DOCK3: variants seen among roughly 807,000 people sequenced by gnomAD.
DOCK3 encodes dedicator of cytokinesis protein 3.
A neutral mutation model predicts 265.6 loss-of-function variants in DOCK3; 60 were observed. The observed-to-expected ratio is 0.23, with a 90% CI of 0.18 to 0.28. The LOEUF is 0.28. Among genes scored for constraint, DOCK3 ranks in the 10% least tolerant of loss-of-function variants. The pLI is 1.00. For synonymous variants in DOCK3, 881 were observed against 938.0 expected (o/e 0.94, Z 1.11); for missense variants, 1,981 against 2,594.3 (o/e 0.76, Z 5.14).
intron 1 of DOCK3, among the ~76,000 whole-genome samples, chr3:50,693,314 G>T (rs2035370995): frequency 6.6e-6 from 1 of 152,136 alleles, no homozygotes; most frequent in South Asian, 2.1e-4. Flanking sequence ...AGATTGCTTT[G>T]GGCAGGATTG....
chr3:50,982,725 T>A (rs937733185), intron 5 of DOCK3, among the ~76,000 whole-genome samples: 1 of 152,146 alleles, frequency 6.6e-6, no homozygotes, highest in African/African-American at 2.4e-5. Flanking sequence ...TCGGGGTCAC[T>A]GCAGTGGGGC....
chr3:51,382,481 A>G lies in DOCK3; in HGVS notation c.*922A>G, dbSNP rs1412729122. 2.0e-5 allele frequency: 3 copies of G among 152,580 alleles called. No individual in the cohort carries two copies. Among genetic ancestry groups the G allele is most frequent in the Non-Finnish European group, 4.4e-5 (3 of 68,080 alleles). The allele number at this position is 152,580 out of a possible 1,614,324, so 9.5% of individuals were successfully genotyped here. A position where few individuals can be genotyped will look rare whatever the true frequency, so the allele number is the denominator to read the frequency against. On this transcript the variant is annotated 3_prime_UTR_variant, in exon 53 of 53. Coordinates refer to ENST00000266037, the MANE Select transcript of DOCK3 (RefSeq NM_004947.5). Reference sequence around the variant, plus strand: ...GTGTGGGGTGTGGCAGGCGCCGGAAATCCTCAAAGCTTTCAGAAGCATCCA... The same window carrying G: ...GTGTGGGGTGTGGCAGGCGCCGGAAGTCCTCAAAGCTTTCAGAAGCATCCA...
At chr3:51,284,383 G>A (rs1378769362) in intron 27 of DOCK3, among the ~76,000 whole-genome samples, 2 of 151,880 alleles carry the variant, frequency 1.3e-5, no homozygotes, top group Non-Finnish European at 2.9e-5. Flanking sequence ...CATCAAGTAC[G>A]CCAACTTTTA....
In DOCK3 at chr3:51,357,039, G is replaced by A; in HGVS notation, c.4581G>A (p.Gln1527=). 2 of 1,613,430 alleles carry A rather than the reference G, an allele frequency of 1.2e-6. No homozygotes were observed. The highest frequency in any genetic ancestry group is 1.7e-6 in the Non-Finnish European group (2 of 1,179,884). Residue 1527 remains glutamine (Q), a synonymous_variant, in exon 44 of 53, where the codon CAG becomes CAA. Transcript: ENST00000266037. ...AGGAGCTACGCTCCCTGATCAGCCA[G>A]TATCAACACAAGCAGGTGCATGGCA... ...KNQELRSLIS[Q]YQHKQVHGNI...
chr3:50,970,727 CT>C (rs140767114), intron 5 of DOCK3, among the ~76,000 whole-genome samples: 238 of 129,526 alleles, frequency 1.8e-3, no homozygotes, highest in African/African-American at 3.0e-3. Context: ...CTCATTGAGC[CT>C]TTTTTTTTTT....
intron 32 of DOCK3, among the ~76,000 whole-genome samples, chr3:51,317,950 C>T (rs987485579): frequency 3.3e-5 from 5 of 152,108 alleles, no homozygotes; most frequent in African/African-American, 1.2e-4. Context: ...AGTCTGTCTT[C>T]CAGTTTTGTC....
At chr3:51,246,012 A>G (rs1326925305) in intron 21 of DOCK3, among the ~76,000 whole-genome samples, 1 of 152,142 alleles carries the variant, frequency 6.6e-6, no homozygotes, top group Non-Finnish European at 1.5e-5. Flanking sequence ...TTGCCATATA[A>G]ATATGCAGAC....
intron 9 of DOCK3, among the ~76,000 whole-genome samples, chr3:51,094,597 C>A (rs1016442348): frequency 1.5e-4 from 22 of 151,446 alleles, no homozygotes; most frequent in South Asian, 4.2e-4. Flanking sequence ...TTTTGTTGAT[C>A]TTTACAAAAA....
At chr3:50,849,603 G>A (rs2046264536) in intron 3 of DOCK3, among the ~76,000 whole-genome samples, 1 of 152,096 alleles carries the variant, frequency 6.6e-6, no homozygotes, top group Non-Finnish European at 1.5e-5. Context: ...ACAGGCACAT[G>A]CCACCATGCC....
At chr3:51,157,620 C>T (rs1407743167) in intron 10 of DOCK3, among the ~76,000 whole-genome samples, 1 of 152,086 alleles carries the variant, frequency 6.6e-6, no homozygotes, top group Non-Finnish European at 1.5e-5. Context: ...TGGGACTAGG[C>T]TAAGGCAAAC....
At chr3:50,993,776 A>T (rs2078188671) in intron 5 of DOCK3, among the ~76,000 whole-genome samples, 3 of 152,198 alleles carry the variant, frequency 2.0e-5, no homozygotes, top group African/African-American at 2.4e-5. Context: ...TTGTAGCCAA[A>T]ATGACCTTTT....
At chr3:50,773,679 C>T (rs1307274306) in intron 1 of DOCK3, among the ~76,000 whole-genome samples, 3 of 152,194 alleles carry the variant, frequency 2.0e-5, no homozygotes, top group Admixed American at 2.0e-4. Context: ...ATGAGCCAAG[C>T]TTAGAATACA....
intron 5 of DOCK3, among the ~76,000 whole-genome samples, chr3:50,965,377 CG>C (rs1421667547): frequency 6.7e-6 from 1 of 150,306 alleles, no homozygotes; most frequent in African/African-American, 2.4e-5. Context: ...CTTAGGAAAA[CG>C]GAAAAAGAGC....
chr3:50,792,523 T>C (rs1313908074), intron 2 of DOCK3, among the ~76,000 whole-genome samples: 1 of 152,206 alleles, frequency 6.6e-6, no homozygotes, highest in Admixed American at 6.5e-5. Flanking sequence ...AGCACCTCTG[T>C]CTTGTGCCGG....
chr3:50,941,678 G>A (rs774105010), intron 5 of DOCK3, among the ~76,000 whole-genome samples: 5 of 151,950 alleles, frequency 3.3e-5, no homozygotes, highest in African/African-American at 4.8e-5. Context: ...CCTTCAGTAG[G>A]TGCATAGAAG....
intron 1 of DOCK3, among the ~76,000 whole-genome samples, chr3:50,703,929 C>T (rs576503585): frequency 2.5e-4 from 38 of 151,172 alleles, no homozygotes; most frequent in African/African-American, 7.8e-4. Flanking sequence ...TAAACTTTTT[C>T]CTTAGCTTTG....
At chr3:51,354,160 C>CA (rs1255375187) in intron 40 of DOCK3, among the ~76,000 whole-genome samples, 1 of 151,918 alleles carries the variant, frequency 6.6e-6, no homozygotes, top group East Asian at 1.9e-4. Context: ...CACTGGGCAA[C>CA]ATTAGACTGT....
chr3:50,925,222 A>G (rs1242669761), intron 4 of DOCK3, among the ~76,000 whole-genome samples: 1 of 152,212 alleles, frequency 6.6e-6, no homozygotes, highest in African/African-American at 2.4e-5. Context: ...AAGCTGAAAG[A>G]GAAAATGAAC....
At chr3:50,789,733 T>TGTTTGTTTTTA (rs1377697935) in intron 2 of DOCK3, among the ~76,000 whole-genome samples, 1 of 152,194 alleles carries the variant, frequency 6.6e-6, no homozygotes, top group Non-Finnish European at 1.5e-5. Context: ...TTTGTTTGTT[T>TGTTTGTTTTTA]GTTTGTTTTT....
Sources: gnomAD v4.1 joint callset for allele counts (sites outside exome capture counted in the v4.1 genomes callset) on GRCh38, gnomAD v4.1.1 for gene constraint, MANE v1.5 for transcripts, NCBI Gene and HGNC (gene_info 2026-07-23, HGNC 2026-07-21) for gene names.